Variants in RPE65 observed in about 807,000 individuals in gnomAD.
The protein encoded by RPE65 is retinoid isomerohydrolase.
RPE65 carries 58 observed loss-of-function variants against 68.5 expected under a neutral mutation model. That is an observed-to-expected ratio of 0.85 (90% CI 0.69 to 1.05). The LOEUF is 1.05. Ranked by LOEUF, RPE65 falls within the 50% of genes least tolerant of loss-of-function variation. The pLI is 0.00. For synonymous variants in RPE65, 220 were observed against 222.2 expected (o/e 0.99, Z 0.09); for missense variants, 643 against 629.9 (o/e 1.02, Z -0.22).
At position 68,448,660 on chromosome 1, in the gene RPE65, C is replaced by T. The variant is rs755545288; in HGVS notation, c.58G>A (p.Glu20Lys). The T allele has an allele frequency of 2.2e-5, 35 of 1,613,778 alleles. No individual in the cohort carries two copies. The South Asian group carries it at 3.8e-4, about 18-fold the overall frequency. The part of the protein sequence containing the change: ...GGYKKLFETV[E>K]ELSSPLTAHV... ...GCTGTGAGCGGCGAGGACAGTTCCT[C>T]CACAGTTTCAAACAGTTTCTTGTAA... The change falls in exon 2 of 14, where the codon GAG (glutamate) becomes AAG (lysine). Residue 20 changes from glutamate to lysine, a missense_variant. Transcript: ENST00000262340.
chr1:68,439,576 G>A lies in RPE65; in HGVS notation c.710C>T (p.Pro237Leu), dbSNP rs1382361726. Residue 237 changes from proline (P) to leucine (L), a missense_variant, in exon 7 of 14, where the codon CCA becomes CTA. Physicochemically the swap from Pro to Leu is moderately conservative, Grantham distance 98. Coordinates refer to ENST00000262340, the MANE Select transcript of RPE65 (RefSeq NM_000329.3). ...TTCAAGTTACCTATGAACGTAAGAT[G>A]GCTTGAATCGGTCACTGCAGGGGAA... is the stretch of plus-strand genomic sequence containing the variant. ...VQFPCSDRFK[P>L]SYVHSFGLTP... 1 of 1,613,896 alleles carries A rather than the reference G, an allele frequency of 6.2e-7. No homozygotes were observed. The highest frequency in any genetic ancestry group is 1.7e-5 in the Admixed American group (1 of 60,012).
chr1:68,441,151 C>T (rs1384454610), intron 5 of RPE65, 151 bp from the exon 6 acceptor site: 2 of 888,074 alleles, frequency 2.3e-6, no homozygotes, highest in Non-Finnish European at 3.5e-6. Context: ...CCTCTTTCAC[C>T]TTGAGTTCCC....
rs191463973 is a variant in RPE65, at chr1:68,435,976, C to T, written c.1128+2211G>A. Among the ~76,000 whole-genome samples, 60 of 152,268 alleles carry T rather than the reference C, an allele frequency of 3.9e-4. No homozygotes were observed. In the East Asian group the frequency reaches 4.0e-3, roughly 10 times the overall value. On this transcript the variant is annotated intron_variant, in intron 10 of 13. Coordinates refer to ENST00000262340, the MANE Select transcript of RPE65 (RefSeq NM_000329.3). ...AATAACTATTAGAAGAAAGAGGAGA[C>T]GGATTTGATGATGTTAGACATTTTT...
Position 68,435,735 on chromosome 1 carries a change from A to G in RPE65, c.1128+2452T>C, listed in dbSNP as rs1329046584. Among the ~76,000 whole-genome samples, 4 of 152,138 alleles carry G rather than the reference A, an allele frequency of 2.6e-5. No individual in the cohort carries two copies. In the East Asian group the frequency reaches 7.7e-4, roughly 29 times the overall value. On this transcript the variant is annotated intron_variant, in intron 10 of 13. Transcript: ENST00000262340. ...ATATTACTGCCCATTGCAAATAACT[A>G]TGTTCCATTAATCTCCCCTACATTA...
At chr1:68,432,470 G>A (rs1414496617) in intron 10 of RPE65, among the ~76,000 whole-genome samples, 1 of 152,142 alleles carries the variant, frequency 6.6e-6, no homozygotes, top group East Asian at 1.9e-4. Context: ...TAGAAGATGA[G>A]AGAATTAGCA....
At chr1:68,434,115 T>TATATAC (rs1464413834) in intron 10 of RPE65, among the ~76,000 whole-genome samples, 2 of 99,492 alleles carry the variant, frequency 2.0e-5, no homozygotes, top group Admixed American at 1.0e-4. Context: ...TATATATATA[T>TATATAC]ACACACACAC....
intron 2 of RPE65, among the ~76,000 whole-genome samples, chr1:68,447,294 T>C (rs1162613539): frequency 6.6e-6 from 1 of 152,220 alleles, no homozygotes; most frequent in Non-Finnish European, 1.5e-5. Flanking sequence ...TAAAAAGATG[T>C]GTCTATAGAA....
intron 10 of RPE65, among the ~76,000 whole-genome samples, chr1:68,437,363 C>G (rs773682079): frequency 1.3e-5 from 2 of 152,192 alleles, no homozygotes; most frequent in Admixed American, 6.5e-5. Context: ...CTGTAACACT[C>G]AACCTCAACC....
At chr1:68,444,739 A>AT in intron 4 of RPE65, 37 bp downstream of exon 4, 1 of 1,613,874 alleles carries the variant, frequency 6.2e-7, no homozygotes, top group Non-Finnish European at 8.5e-7. Context: ...GGCTAATATA[A>AT]AATGTCTTGA....
intron 5 of RPE65, 40 bp downstream of exon 5, chr1:68,444,491 A>T (rs758139036): frequency 6.2e-7 from 1 of 1,612,674 alleles, no homozygotes; most frequent in South Asian, 1.1e-5. Flanking sequence ...TTAAGTTCCA[A>T]ATTCTAAATT....
intron 10 of RPE65, among the ~76,000 whole-genome samples, chr1:68,433,852 A>G (rs1645842671): frequency 6.6e-6 from 1 of 152,112 alleles, no homozygotes; most frequent in Non-Finnish European, 1.5e-5. Context: ...AGGAAGGTCT[A>G]CATGAGAAAG....
At chr1:68,433,062 G>A (rs1333156309) in intron 10 of RPE65, among the ~76,000 whole-genome samples, 1 of 152,184 alleles carries the variant, frequency 6.6e-6, no homozygotes, top group African/African-American at 2.4e-5. Context: ...GGTGGGGGAA[G>A]ATGAGAAGTT....
At position 68,449,950 on chromosome 1, in the gene RPE65, T is replaced by C. The variant is rs373407314; in HGVS notation, c.-45A>G. The C allele has an allele frequency of 3.0e-5, 48 of 1,613,086 alleles. No individual in the cohort carries two copies. The highest frequency in any genetic ancestry group is 4.0e-5 in the Non-Finnish European group (47 of 1,179,250). Reference sequence around the variant, plus strand: ...CAGAGTTCTGGCACCAACTGCAGAATGAAGAAGGAAGTTCTCAGCCAGGGG... The same window carrying C: ...CAGAGTTCTGGCACCAACTGCAGAACGAAGAAGGAAGTTCTCAGCCAGGGG... On this transcript the variant is annotated 5_prime_UTR_variant, in exon 1 of 14. Coordinates refer to ENST00000262340, the MANE Select transcript of RPE65 (RefSeq NM_000329.3).
chr1:68,431,179 G>A lies in RPE65; in HGVS notation c.1339-3C>T, dbSNP rs1645823366. Reference sequence around the variant, plus strand: ...GTTTTGACATTCAGCTTACAGAGCTGTTTGTGAGAAAGAAAAATCAATCAA... The same window carrying A: ...GTTTTGACATTCAGCTTACAGAGCTATTTGTGAGAAAGAAAAATCAATCAA... On this transcript the variant is annotated splice_polypyrimidine_tract_variant and splice_region_variant and intron_variant, in intron 12 of 13. Coordinates refer to ENST00000262340, the MANE Select transcript of RPE65 (RefSeq NM_000329.3). 9.9e-6 allele frequency: 16 copies of A among 1,613,388 alleles called. No homozygotes were observed. The highest frequency in any genetic ancestry group is 1.4e-5 in the Non-Finnish European group (16 of 1,179,612).
At chr1:68,439,135 T>C in intron 8 of RPE65, 54 bp from the exon 9 acceptor site, 1 of 1,613,912 alleles carries the variant, frequency 6.2e-7, no homozygotes, top group African/African-American at 1.3e-5. Flanking sequence ...AAAGTGTACA[T>C]TATTAAACAC....
rs763256793 is a variant in RPE65 at position 68,441,014 on chromosome 1, G to A, written c.496-14C>T. 48 of 1,613,552 alleles carry A rather than the reference G, an allele frequency of 3.0e-5. No homozygotes were observed. The highest frequency in any genetic ancestry group is 8.3e-5 in the Admixed American group (5 of 59,936). Reference sequence around the variant, plus strand: ...GCAAAGATCAACCTACGGAAGTAAAGTGAATGTCCTCCAGTTGAGAGAAGG... The same window carrying A: ...GCAAAGATCAACCTACGGAAGTAAAATGAATGTCCTCCAGTTGAGAGAAGG... On this transcript the variant is annotated splice_polypyrimidine_tract_variant and intron_variant, in intron 5 of 13. Transcript: ENST00000262340.
At chr1:68,439,121 G>C (rs1265441095) in intron 8 of RPE65, 40 bp from the exon 9 acceptor site, 2 of 1,613,598 alleles carry the variant, frequency 1.2e-6, no homozygotes, top group Non-Finnish European at 1.7e-6. Context: ...ATTTAAAAAG[G>C]AAAAAAGTGT....
At position 68,438,217 on chromosome 1, in the gene RPE65, C is replaced by G. The variant is rs764589805; in HGVS notation, c.1098G>C (p.Arg366Ser). Reference protein sequence around the residue: ...NARKAPQPEVRRYVLPLNIDK... With the variant: ...NARKAPQPEVSRYVLPLNIDK... ...CAATATTCAAAGGAAGTACATATCTCCTAACTTCAGGTTGGGGAGCCTTTC... is the reference window on the plus strand; with the variant it reads ...CAATATTCAAAGGAAGTACATATCTGCTAACTTCAGGTTGGGGAGCCTTTC... Residue 366 changes from arginine (R) to serine (S), a missense_variant, in exon 10 of 14, where the codon AGG becomes AGC. Coordinates refer to ENST00000262340, the MANE Select transcript of RPE65 (RefSeq NM_000329.3). The G allele has an allele frequency of 6.2e-7, 1 of 1,613,960 alleles. No homozygotes were observed. Among genetic ancestry groups the G allele is most frequent in the Non-Finnish European group, 8.5e-7 (1 of 1,179,932 alleles).
chr1:68,439,174 A>G lies in RPE65; in HGVS notation c.858+17T>C. The G allele has an allele frequency of 1.2e-6, 2 of 1,614,108 alleles. No homozygotes were observed. Among genetic ancestry groups the G allele is most frequent in the Non-Finnish European group, 1.7e-6 (2 of 1,179,992 alleles). ...TTCTTCAGAATCACAAACTTGACAA[A>G]TATATCTAAGACTTACCCCCATGGT... On this transcript the variant is annotated intron_variant, in intron 8 of 13. Coordinates refer to ENST00000262340, the MANE Select transcript of RPE65 (RefSeq NM_000329.3).
Sources: allele counts gnomAD v4.1 joint callset (sites outside exome capture counted in the v4.1 genomes callset), GRCh38; gene constraint gnomAD v4.1.1; transcripts MANE v1.5; gene names NCBI Gene and HGNC (gene_info 2026-07-23, HGNC 2026-07-21).